Variants in FAM114A1 observed in about 807,000 individuals in gnomAD.
FAM114A1 encodes the protein family with sequence similarity 114 member A1, also known as protein NOXP20.
In FAM114A1, 62 loss-of-function variants were observed where a neutral mutation model predicts 64.3. The ratio of observed to expected loss-of-function variants is 0.96; its 90% CI spans 0.79 to 1.19. The LOEUF is 1.19. FAM114A1 is among the 50% of genes most tolerant of loss of function. The probability of loss-of-function intolerance (pLI) is 0.00; values close to 1 mark genes in which losing one functional copy is unlikely to be tolerated. For synonymous variants in FAM114A1, 254 were observed against 251.1 expected, an observed-to-expected ratio of 1.01 and a Z score of -0.11; for missense variants, 645 against 676.3, an observed-to-expected ratio of 0.95 and a Z score of 0.51.
intron 4 of FAM114A1, among the ~76,000 whole-genome samples, chr4:38,901,019 T>C (rs1312864778): frequency 6.6e-6 from 1 of 152,196 alleles, no homozygotes; most frequent in Non-Finnish European, 1.5e-5. Context: ...TAAAAGTCTC[T>C]TTTTAATACA....
At chr4:38,930,555 A>G (rs1176583548) in intron 10 of FAM114A1, among the ~76,000 whole-genome samples, 5 of 152,094 alleles carry the variant, frequency 3.3e-5, no homozygotes. Flanking sequence ...TTTGTCTGTA[A>G]TAGAGGACAC....
chr4:38,932,363 A>G lies in FAM114A1; in HGVS notation c.1452A>G (p.Lys484=), dbSNP rs768235879. The change falls in exon 12 of 15, where the codon AAA becomes AAG. Residue 484 remains lysine, a synonymous_variant. Transcript: ENST00000358869. The part of the protein sequence containing the change: ...EEEKPAQDQA[K]VLIKLTTAMC... ...AAAAACCAGCTCAGGACCAAGCAAA[A>G]GTTCTAATAAAGTAAGTAAATGTTA... 2 of 1,587,582 alleles carry G rather than the reference A, an allele frequency of 1.3e-6. No homozygotes were observed. The highest frequency in any genetic ancestry group is 2.3e-5 in the South Asian group (2 of 85,990).
At chr4:38,927,818 G>A (rs756898189) in intron 9 of FAM114A1, among the ~76,000 whole-genome samples, 3 of 152,046 alleles carry the variant, frequency 2.0e-5, no homozygotes, top group Non-Finnish European at 2.9e-5. Context: ...CAAGTAGCTG[G>A]GATTACAGGC....
At chr4:38,932,546 G>T (rs942696150) in intron 12 of FAM114A1, among the ~76,000 whole-genome samples, 172 bp downstream of exon 12, 2 of 152,118 alleles carry the variant, frequency 1.3e-5, no homozygotes, top group Non-Finnish European at 2.9e-5. Context: ...ACCCAGACTG[G>T]AGTGCAATGG....
At chr4:38,920,897 T>A (rs1297054564) in intron 8 of FAM114A1, among the ~76,000 whole-genome samples, 4 of 152,184 alleles carry the variant, frequency 2.6e-5, no homozygotes, top group African/African-American at 9.7e-5. Context: ...TCCACGCTAA[T>A]GGGTTTTGTG....
chr4:38,931,631 G>T lies in FAM114A1; in HGVS notation c.1323+19G>T, dbSNP rs1393910039. On this transcript the variant is annotated intron_variant, in intron 11 of 14. Coordinates refer to ENST00000358869, the MANE Select transcript of FAM114A1 (RefSeq NM_138389.4). ...CATAGAGGTAAATTCATTCTAGATT[G>T]TCTGCCTACAAGGTAATAAGAGTGT... The T allele has an allele frequency of 6.2e-7, 1 of 1,604,878 alleles. No homozygotes were observed. Among genetic ancestry groups the T allele is most frequent in the South Asian group, 1.1e-5 (1 of 89,376 alleles).
intron 8 of FAM114A1, among the ~76,000 whole-genome samples, chr4:38,919,070 T>C (rs1316189519): frequency 6.6e-6 from 1 of 152,068 alleles, no homozygotes; most frequent in Non-Finnish European, 1.5e-5. Flanking sequence ...CGAGAGTCAC[T>C]TGAACCTGGG....
intron 2 of FAM114A1, among the ~76,000 whole-genome samples, chr4:38,873,914 T>C (rs960272058): frequency 1.3e-5 from 2 of 151,804 alleles, no homozygotes; most frequent in Non-Finnish European, 2.9e-5. Context: ...ATTAGAGCCG[T>C]GAGGTGAAGG....
chr4:38,888,070 A>G lies in FAM114A1; in HGVS notation c.349-3673A>G, dbSNP rs530934993. ...ATAAGTACATATGTTTTCCATCTAA[A>G]TGATAAAGGCCTTTGAATTTGATGG... is the stretch of plus-strand genomic sequence containing the variant. On this transcript the variant is annotated intron_variant, in intron 3 of 14. Transcript: ENST00000358869. Among the ~76,000 whole-genome samples the G allele has an allele frequency of 3.3e-5, 5 of 152,220 alleles. No homozygotes were observed. The East Asian group carries it at 9.6e-4, about 29-fold the overall frequency.
intron 3 of FAM114A1, among the ~76,000 whole-genome samples, chr4:38,889,337 G>A (rs1369710967): frequency 6.6e-6 from 1 of 152,092 alleles, no homozygotes; most frequent in Non-Finnish European, 1.5e-5. Flanking sequence ...AGCAGGCAGT[G>A]ATGAGTCATG....
chr4:38,910,664 C>T (rs1211716428), intron 7 of FAM114A1, among the ~76,000 whole-genome samples: 1 of 152,152 alleles, frequency 6.6e-6, no homozygotes. Context: ...CAGATGATGA[C>T]ATGTGAGCAA....
chr4:38,922,391 C>T (rs1007800798), intron 8 of FAM114A1, among the ~76,000 whole-genome samples: 1 of 152,214 alleles, frequency 6.6e-6, no homozygotes, highest in Non-Finnish European at 1.5e-5. Context: ...AAATAAGTTA[C>T]CGAAGGTCAT....
Position 38,922,845 on chromosome 4 carries a change from A to G in FAM114A1, c.1021A>G (p.Ile341Val), listed in dbSNP as rs2109753573. Residue 341 changes from isoleucine (I) to valine (V), a missense_variant, in exon 9 of 15, where the codon ATC becomes GTC. Ile to Val is a conservative substitution (Grantham distance 29). Coordinates refer to ENST00000358869, the MANE Select transcript of FAM114A1 (RefSeq NM_138389.4). ...LKNDLISIKDIFAAKELENEE... is the reference protein window; with the variant it reads ...LKNDLISIKDVFAAKELENEE... The stretch of plus-strand genomic sequence containing the variant: ...AAATGACCTAATTTCCATTAAAGAC[A>G]TCTTTGCAGCCAAAGAATTAGAGAA... 12 of 1,613,708 alleles carry G rather than the reference A, an allele frequency of 7.4e-6. No homozygotes were observed. Among genetic ancestry groups the G allele is most frequent in the Non-Finnish European group, 8.5e-6 (10 of 1,179,848 alleles).
intron 8 of FAM114A1, among the ~76,000 whole-genome samples, chr4:38,916,073 C>T (rs59056470): frequency 0.22 from 33,387 of 152,044 alleles, 4,010 homozygotes; most frequent in Middle Eastern, 0.38. Flanking sequence ...TCTCCCTAGA[C>T]CTTATCCTGT....
At chr4:38,888,818 A>G (rs1716061241) in intron 3 of FAM114A1, among the ~76,000 whole-genome samples, 1 of 152,186 alleles carries the variant, frequency 6.6e-6, no homozygotes, top group Non-Finnish European at 1.5e-5. Flanking sequence ...GTAATAGGCA[A>G]TCTGAGCAGC....
chr4:38,940,074 G>A (rs56312850), intron 13 of FAM114A1, among the ~76,000 whole-genome samples: 33,579 of 151,368 alleles, frequency 0.22, 4,022 homozygotes, highest in Middle Eastern at 0.28. Flanking sequence ...TATTTTTAGT[G>A]GACACAGGGT....
At chr4:38,904,388 C>T (rs545591478) in intron 4 of FAM114A1, among the ~76,000 whole-genome samples, 6 of 152,294 alleles carry the variant, frequency 3.9e-5, no homozygotes, top group South Asian at 2.1e-4. Flanking sequence ...AGACTATGTC[C>T]GTATCAGGTC....
At chr4:38,895,375 C>A (rs1032290876) in intron 4 of FAM114A1, among the ~76,000 whole-genome samples, 7 of 152,326 alleles carry the variant, frequency 4.6e-5, no homozygotes, top group Middle Eastern at 3.4e-3. Context: ...TGCTTCAAAT[C>A]GCTACCTTCA....
At chr4:38,939,886 C>CTTTTTTTTTTTTTTTTTTTT (rs545845095) in intron 13 of FAM114A1, among the ~76,000 whole-genome samples, 14 of 131,668 alleles carry the variant, frequency 1.1e-4, no homozygotes, top group Non-Finnish European at 1.1e-4. Context: ...CACTTTCTTT[C>CTTTTTTTTTTTTTTTTTTTT]TTTTTTTTTT....
Sources: gnomAD v4.1 joint callset for allele counts (sites outside exome capture counted in the v4.1 genomes callset) on GRCh38, gnomAD v4.1.1 for gene constraint, MANE v1.5 for transcripts, NCBI Gene and HGNC (gene_info 2026-07-23, HGNC 2026-07-21) for gene names.